XKR9: variants seen among roughly 807,000 people sequenced by gnomAD.
The protein encoded by XKR9 is XK-related protein 9.
In XKR9, 32 loss-of-function variants were observed where a neutral mutation model predicts 32.0. The observed-to-expected ratio is 1.00, with a 90% CI of 0.76 to 1.34. The LOEUF (loss-of-function observed/expected upper bound fraction) is 1.34, where lower values mean the gene tolerates loss of function less well. XKR9 is among the 40% of genes most tolerant of loss of function. XKR9 has a pLI of 0.00. For missense variants in XKR9, 546 were observed against 429.7 expected (o/e 1.27, Z -2.39); for synonymous variants, 168 against 143.4 (o/e 1.17, Z -1.22).
chr8:71,004,296 G>A, the XKR9 span, among the ~76,000 whole-genome samples: 2 of 151,882 alleles, frequency 1.3e-5, no homozygotes, highest in Non-Finnish European at 2.9e-5. Flanking sequence ...CAGTTAACAG[G>A]GATACACAAT....
intron 2 of XKR9, among the ~76,000 whole-genome samples, chr8:70,785,902 C>A (rs1397526717): frequency 6.6e-6 from 1 of 151,818 alleles, no homozygotes; most frequent in East Asian, 1.9e-4. Context: ...TATCTCACTA[C>A]AACTTTGAAC....
chr8:70,759,313 A>T (rs1057294090), intron 2 of XKR9, among the ~76,000 whole-genome samples: 6 of 152,142 alleles, frequency 3.9e-5, no homozygotes, highest in Admixed American at 3.3e-4. Context: ...TATTAATAGG[A>T]CTCACTTTTC....
At chr8:71,039,326 T>A in the XKR9 span, among the ~76,000 whole-genome samples, 1 of 152,212 alleles carries the variant, frequency 6.6e-6, no homozygotes. Flanking sequence ...GTCCCAAACA[T>A]CATAGGTGTT....
At chr8:70,923,208 T>C in the XKR9 span, among the ~76,000 whole-genome samples, 1 of 152,214 alleles carries the variant, frequency 6.6e-6, no homozygotes, top group South Asian at 2.1e-4. Context: ...CTGACAAGAT[T>C]ATTAGTGAAG....
chr8:70,790,321 TA>T (rs1807748859), exon 4 of XKR9: 2 of 152,252 alleles, frequency 1.3e-5, no homozygotes, highest in East Asian at 3.9e-4. Context: ...AATGTGCCTT[TA>T]AAAGTATTGA....
At chr8:70,844,548 A>G in the XKR9 span, among the ~76,000 whole-genome samples, 2,551 of 152,206 alleles carry the variant, frequency 0.017, 57 homozygotes, top group African/African-American at 0.058. Context: ...GCCTGGCATC[A>G]CCTTGCCCTG....
At chr8:70,831,155 G>T in the XKR9 span, among the ~76,000 whole-genome samples, 1 of 152,034 alleles carries the variant, frequency 6.6e-6, no homozygotes, top group Non-Finnish European at 1.5e-5. Context: ...GCCGGATGTG[G>T]TGGTGGTCGC....
At chr8:70,915,204 G>A in the XKR9 span, among the ~76,000 whole-genome samples, 1 of 151,974 alleles carries the variant, frequency 6.6e-6, no homozygotes, top group Admixed American at 6.6e-5. Context: ...CTAATCTTAG[G>A]TTTTACAATA....
intron 2 of XKR9, among the ~76,000 whole-genome samples, chr8:70,754,020 T>C (rs578253699): frequency 4.8e-5 from 7 of 146,316 alleles, no homozygotes; most frequent in East Asian, 2.1e-4. Flanking sequence ...AAAACCCCAT[T>C]GTCTCAGCCC....
At chr8:70,853,444 T>C in the XKR9 span, among the ~76,000 whole-genome samples, 1 of 151,624 alleles carries the variant, frequency 6.6e-6, no homozygotes, top group Non-Finnish European at 1.5e-5. Flanking sequence ...CATATACTCA[T>C]AAAAGCTAAA....
chr8:70,981,804 C>T, the XKR9 span, among the ~76,000 whole-genome samples: 1 of 152,170 alleles, frequency 6.6e-6, no homozygotes, highest in African/African-American at 2.4e-5. Flanking sequence ...TCAAGGGCTG[C>T]AGTTCAGATT....
chr8:70,765,257 GT>G (rs1474279553), intron 2 of XKR9, among the ~76,000 whole-genome samples: 1 of 152,162 alleles, frequency 6.6e-6, no homozygotes, highest in Non-Finnish European at 1.5e-5. Context: ...AGCATCTGCT[GT>G]TTCCTGAATT....
the XKR9 span, among the ~76,000 whole-genome samples, chr8:70,938,649 A>G: frequency 6.6e-6 from 1 of 152,082 alleles, no homozygotes; most frequent in African/African-American, 2.4e-5. Context: ...CCTCAGCACA[A>G]TAGACAGAGA....
the XKR9 span, among the ~76,000 whole-genome samples, chr8:70,840,826 C>T: frequency 6.6e-6 from 1 of 152,110 alleles, no homozygotes; most frequent in African/African-American, 2.4e-5. Flanking sequence ...GTTTGTACCT[C>T]AAATCTGTGT....
At chr8:71,039,989 C>A in the XKR9 span, among the ~76,000 whole-genome samples, 1 of 152,078 alleles carries the variant, frequency 6.6e-6, no homozygotes, top group Non-Finnish European at 1.5e-5. Context: ...TTTAAATTGT[C>A]TGGTGATTTT....
chr8:70,739,467 A>T (rs563597682), downstream of XKR9, among the ~76,000 whole-genome samples: 13 of 152,150 alleles, frequency 8.5e-5, no homozygotes, highest in Non-Finnish European at 1.6e-4. Flanking sequence ...GTCCATTTAC[A>T]TTTAAAGTTA....
At chr8:70,807,677 T>A in the XKR9 span, among the ~76,000 whole-genome samples, 1 of 151,962 alleles carries the variant, frequency 6.6e-6, no homozygotes, top group Admixed American at 6.6e-5. Context: ...CAGCATTACA[T>A]AATGGTAAAG....
intron 1 of XKR9, among the ~76,000 whole-genome samples, chr8:70,673,234 G>C (rs1332091934): frequency 6.6e-6 from 1 of 152,148 alleles, no homozygotes; most frequent in African/African-American, 2.4e-5. Context: ...TTTTGCATAT[G>C]ATGAGAGACA....
the XKR9 span, among the ~76,000 whole-genome samples, chr8:70,891,458 C>T: frequency 6.6e-6 from 1 of 151,928 alleles, no homozygotes; most frequent in Non-Finnish European, 1.5e-5. Context: ...ACTGCCTTTG[C>T]TGTACCACAT....
Sources: allele counts gnomAD v4.1 joint callset (sites outside exome capture counted in the v4.1 genomes callset), GRCh38; gene constraint gnomAD v4.1.1; transcripts MANE v1.5; gene names NCBI Gene and HGNC (gene_info 2026-07-23, HGNC 2026-07-21).